SQOR: variants seen among roughly 807,000 people sequenced by gnomAD.
The protein encoded by SQOR is sulfide:quinone oxidoreductase, mitochondrial.
In SQOR, 39 loss-of-function variants were observed where a neutral mutation model predicts 48.6. That is an observed-to-expected ratio of 0.80 (90% CI 0.62 to 1.05). The LOEUF (loss-of-function observed/expected upper bound fraction) is 1.05. Among genes scored for constraint, SQOR ranks in the 50% least tolerant of loss-of-function variants. The probability of loss-of-function intolerance (pLI) is 0.00; values close to 1 mark genes in which losing one functional copy is unlikely to be tolerated. For synonymous variants in SQOR, 220 were observed against 206.2 expected, an observed-to-expected ratio of 1.07 and a Z score of -0.57; for missense variants, 561 against 559.9, an observed-to-expected ratio of 1.00 and a Z score of -0.02.
chr15:45,661,317 A>C (rs2140949083), intron 2 of SQOR, among the ~76,000 whole-genome samples: 1 of 140,810 alleles, frequency 7.1e-6, no homozygotes, highest in African/African-American at 2.6e-5. Flanking sequence ...AAAAAAAAGG[A>C]CCATCTGAAG....
Position 45,676,244 on chromosome 15 carries a change from C to A in SQOR, c.798C>A (p.Val266=). The A allele has an allele frequency of 6.2e-7, 1 of 1,614,048 alleles. No individual in the cohort carries two copies. Among genetic ancestry groups the A allele is most frequent in the Non-Finnish European group, 8.5e-7 (1 of 1,179,998 alleles). ...TVNYKKNLIE[V]RADKQEAVFE... is the part of the protein sequence containing the mutation. Reference sequence around the variant, plus strand: ...ACTACAAGAAAAACCTCATTGAAGTCCGAGCCGATAAACAAGAGGCTGTAT... The same window carrying A: ...ACTACAAGAAAAACCTCATTGAAGTACGAGCCGATAAACAAGAGGCTGTAT... The change falls in exon 6 of 10, where the codon GTC becomes GTA. Residue 266 remains valine (V), a synonymous_variant. Coordinates refer to ENST00000260324, the MANE Select transcript of SQOR (RefSeq NM_021199.4).
chr15:45,647,121 C>A (rs1264953437), intron 1 of SQOR, among the ~76,000 whole-genome samples: 2 of 151,746 alleles, frequency 1.3e-5, no homozygotes, highest in Admixed American at 6.6e-5. Flanking sequence ...TTGTGGTGGG[C>A]GCCTGTAATC....
At chr15:45,648,306 T>A (rs779897062) in intron 1 of SQOR, among the ~76,000 whole-genome samples, 150 of 152,122 alleles carry the variant, frequency 9.9e-4, no homozygotes, top group South Asian at 1.0e-3. Flanking sequence ...GCCTTCCCAG[T>A]AGCTGGGATA....
intron 9 of SQOR, among the ~76,000 whole-genome samples, chr15:45,690,601 G>A (rs1890305495): frequency 6.6e-6 from 1 of 152,170 alleles, no homozygotes; most frequent in Non-Finnish European, 1.5e-5. Flanking sequence ...TATAATGCCA[G>A]GTCAGCCCCC....
At chr15:45,687,820 A>G (rs1890250044) in intron 7 of SQOR, among the ~76,000 whole-genome samples, 3 of 152,198 alleles carry the variant, frequency 2.0e-5, no homozygotes, top group African/African-American at 7.2e-5. Context: ...CTGTATCTCT[A>G]TATCTATAGA....
chr15:45,672,379 T>G (rs564689692), intron 4 of SQOR, among the ~76,000 whole-genome samples: 1 of 152,126 alleles, frequency 6.6e-6, no homozygotes, highest in Non-Finnish European at 1.5e-5. Flanking sequence ...ATAATAATAA[T>G]GATATTATTA....
chr15:45,683,026 CAA>C (rs34072446), intron 7 of SQOR, among the ~76,000 whole-genome samples: 92 of 119,810 alleles, frequency 7.7e-4, no homozygotes, highest in Admixed American at 1.1e-3. Flanking sequence ...GGCTTCATCT[CAA>C]AAAAAAAAAA....
intron 7 of SQOR, among the ~76,000 whole-genome samples, chr15:45,687,402 A>C (rs1253926663): frequency 6.6e-6 from 1 of 152,232 alleles, no homozygotes; most frequent in Non-Finnish European, 1.5e-5. Flanking sequence ...ATGAGCCACC[A>C]TGCCCATCTG....
At chr15:45,656,536 T>C (rs694929) in intron 1 of SQOR, among the ~76,000 whole-genome samples, 100,442 of 151,552 alleles carry the variant, frequency 0.66, 33,390 homozygotes, top group Admixed American at 0.74. Flanking sequence ...AGGTGATCCC[T>C]CTCTCTCAGC....
At chr15:45,661,781 G>A (rs1889724906) in intron 2 of SQOR, among the ~76,000 whole-genome samples, 174 bp from the exon 3 acceptor site, 1 of 152,154 alleles carries the variant, frequency 6.6e-6, no homozygotes, top group Non-Finnish European at 1.5e-5. Context: ...GTCCTTCAGA[G>A]CTTACCATAA....
intron 1 of SQOR, among the ~76,000 whole-genome samples, chr15:45,651,306 G>A (rs919444706): frequency 6.6e-6 from 1 of 152,194 alleles, no homozygotes; most frequent in Non-Finnish European, 1.5e-5. Flanking sequence ...CAAGTGCGGG[G>A]CCTGCTGAGC....
chr15:45,652,396 G>A (rs2670806), intron 1 of SQOR, among the ~76,000 whole-genome samples: 36,123 of 151,958 alleles, frequency 0.24, 4,627 homozygotes, highest in East Asian at 0.5. Flanking sequence ...GTGCAGGGGT[G>A]TGATCTCAGC....
Position 45,682,674 on chromosome 15 carries a change from G to C in SQOR, c.1048+13G>C. 1 of 1,611,692 alleles carries C rather than the reference G, an allele frequency of 6.2e-7. No individual in the cohort carries two copies. Among genetic ancestry groups the C allele is most frequent in the Non-Finnish European group, 8.5e-7 (1 of 1,178,116 alleles). ...GCTGCTGCAGTAGGTAAGTCAACCAGCTCCATTTCTCCCTTTCTCAAAAAT... is the reference window on the plus strand; with the variant it reads ...GCTGCTGCAGTAGGTAAGTCAACCACCTCCATTTCTCCCTTTCTCAAAAAT... On this transcript the variant is annotated intron_variant, in intron 7 of 9. Coordinates refer to ENST00000260324, the MANE Select transcript of SQOR (RefSeq NM_021199.4).
chr15:45,633,696 A>T (rs1894942267), upstream of SQOR, among the ~76,000 whole-genome samples: 1 of 143,550 alleles, frequency 7.0e-6, no homozygotes, highest in Admixed American at 6.8e-5. Context: ...TTCGCCTCAA[A>T]AAAAAAAAAA....
intron 6 of SQOR, among the ~76,000 whole-genome samples, chr15:45,677,601 T>C (rs1177786629): frequency 6.6e-6 from 1 of 152,234 alleles, no homozygotes; most frequent in Admixed American, 6.5e-5. Context: ...TTTGAAATAA[T>C]ACAGCCCTCT....
chr15:45,649,050 T>C (rs1301864149), intron 1 of SQOR, among the ~76,000 whole-genome samples: 1 of 152,258 alleles, frequency 6.6e-6, no homozygotes. Context: ...TGAGTAATTC[T>C]TGCTTAGCCA....
chr15:45,675,636 G>A (rs934319028), intron 5 of SQOR, among the ~76,000 whole-genome samples: 21 of 152,090 alleles, frequency 1.4e-4, no homozygotes, highest in African/African-American at 5.1e-4. Flanking sequence ...CTGACGTCAG[G>A]TGATCTGCCT....
chr15:45,648,441 G>A (rs1335347111), intron 1 of SQOR, among the ~76,000 whole-genome samples: 1 of 152,196 alleles, frequency 6.6e-6, no homozygotes, highest in African/African-American at 2.4e-5. Context: ...CTCGCAAAGT[G>A]CTGGGATTAC....
At position 45,652,638 on chromosome 15, in the gene SQOR, C is replaced by CTTTTTT. The variant is rs757986564; in HGVS notation, c.-17-6248_-17-6243dup. ...TTTTGGTATTACAGGCGTGAGCCTC[C>CTTTTTT]TTTTTTTTTTTTTTTTTTTTTTTTT... is the stretch of plus-strand genomic sequence containing the variant. On this transcript the variant is annotated intron_variant, in intron 1 of 9. Transcript: ENST00000260324. 1.3e-4 allele frequency among the ~76,000 whole-genome samples: 8 copies of CTTTTTT among 60,302 alleles called. 1 individual carries two copies. Among genetic ancestry groups the CTTTTTT allele is most frequent in the African/African-American group, 3.7e-4 (5 of 13,338 alleles). 39.6% of individuals were successfully genotyped at this position (60,302 alleles called of 152,430 possible).
Sources: gnomAD v4.1 joint callset for allele counts (sites outside exome capture counted in the v4.1 genomes callset) on GRCh38, gnomAD v4.1.1 for gene constraint, MANE v1.5 for transcripts, NCBI Gene and HGNC (gene_info 2026-07-23, HGNC 2026-07-21) for gene names.